ZMYM1: variants seen among roughly 807,000 people sequenced by gnomAD.
ZMYM1 encodes the protein zinc finger MYM-type protein 1.
A neutral mutation model predicts 60.0 loss-of-function variants in ZMYM1; 39 were observed. The observed-to-expected ratio is 0.65, with a 90% CI of 0.50 to 0.85. ZMYM1 has a LOEUF of 0.85. Among genes scored for constraint, ZMYM1 ranks in the 40% least tolerant of loss-of-function variants. The pLI, the probability that ZMYM1 is intolerant of heterozygous loss-of-function variation, is 0.00. For synonymous variants in ZMYM1, 413 were observed against 454.0 expected, an observed-to-expected ratio of 0.91 and a Z score of 1.15; for missense variants, 1,171 against 1,309.5, an observed-to-expected ratio of 0.89 and a Z score of 1.63.
In ZMYM1 at chr1:35,096,613, A is replaced by T. The variant is rs1252079020; in HGVS notation, c.170-704A>T. On this transcript the variant is annotated intron_variant, in intron 3 of 9. Coordinates refer to ENST00000359858, the MANE Select transcript of ZMYM1 (RefSeq NM_024772.5). ...CAATGGCACGATCTTGGCTCACTGCAACCTCTGCCACCCAGGTTCAAGCAG... is the reference window on the plus strand; with the variant it reads ...CAATGGCACGATCTTGGCTCACTGCTACCTCTGCCACCCAGGTTCAAGCAG... Among the ~76,000 whole-genome samples the T allele has an allele frequency of 3.3e-5, 5 of 150,924 alleles. No individual in the cohort carries two copies. In the East Asian group the frequency reaches 9.9e-4, roughly 30 times the overall value.
chr1:35,106,384 C>T (rs1643889459), intron 6 of ZMYM1, among the ~76,000 whole-genome samples: 1 of 151,920 alleles, frequency 6.6e-6, no homozygotes, highest in South Asian at 2.1e-4. Context: ...CGAGGCTGGC[C>T]GATCACCTGA....
chr1:35,100,506 C>G (rs571787869), intron 4 of ZMYM1, among the ~76,000 whole-genome samples: 1 of 151,708 alleles, frequency 6.6e-6, no homozygotes, highest in Non-Finnish European at 1.5e-5. Flanking sequence ...CCTGTAAACC[C>G]AGCTACACCA....
At chr1:35,088,135 T>C (rs1388984636) in intron 1 of ZMYM1, among the ~76,000 whole-genome samples, 1 of 151,690 alleles carries the variant, frequency 6.6e-6, no homozygotes. Context: ...TAAAATATTT[T>C]ATGGCTGGGC....
Sources: allele counts gnomAD v4.1 joint callset (sites outside exome capture counted in the v4.1 genomes callset), GRCh38; gene constraint gnomAD v4.1.1; transcripts MANE v1.5; gene names NCBI Gene and HGNC (gene_info 2026-07-23, HGNC 2026-07-21).